Variants in ZNF407 observed in about 807,000 individuals in gnomAD.
The protein encoded by ZNF407 is zinc finger protein 407.
A neutral mutation model predicts 131.2 loss-of-function variants in ZNF407; 17 were observed. The ratio of observed to expected loss-of-function variants is 0.13; its 90% CI spans 0.09 to 0.19. The LOEUF (loss-of-function observed/expected upper bound fraction) is 0.19, where lower values mean the gene tolerates loss of function less well. Among genes scored for constraint, ZNF407 ranks in the 10% least tolerant of loss-of-function variants. ZNF407 has a pLI of 1.00. For synonymous variants in ZNF407, 1,156 were observed against 1,062.0 expected (o/e 1.09, Z -1.72); for missense variants, 2,681 against 2,830.6 (o/e 0.95, Z 1.20).
chr18:75,009,373 C>G (rs550195018), intron 8 of ZNF407, among the ~76,000 whole-genome samples: 57 of 152,210 alleles, frequency 3.7e-4, no homozygotes, highest in Non-Finnish European at 5.4e-4. Context: ...AAAGGTAGCC[C>G]TTATATTTTA....
At chr18:74,839,437 A>C (rs765622411) in intron 4 of ZNF407, among the ~76,000 whole-genome samples, 2 of 152,238 alleles carry the variant, frequency 1.3e-5, no homozygotes, top group East Asian at 1.9e-4. Flanking sequence ...TGCAGTTTAC[A>C]TGCAGAATTT....
chr18:74,755,767 T>TTCTTTCTTTCTTTC (rs1968934545), intron 3 of ZNF407, among the ~76,000 whole-genome samples: 1 of 129,032 alleles, frequency 7.8e-6, no homozygotes, highest in African/African-American at 3.5e-5. Context: ...CTTTCTTTCT[T>TTCTTTCTTTCTTTC]TCTTTCTCTC....
chr18:74,877,083 T>C, intron 4 of ZNF407, 114 bp from the exon 5 acceptor site: 1 of 855,120 alleles, frequency 1.2e-6, no homozygotes, highest in Non-Finnish European at 1.9e-6. Context: ...CCTGCAGTGC[T>C]CCTCGCAGAG....
chr18:74,814,609 G>A (rs914962804), intron 4 of ZNF407, among the ~76,000 whole-genome samples: 8 of 152,168 alleles, frequency 5.3e-5, no homozygotes, highest in Non-Finnish European at 7.3e-5. Flanking sequence ...TGCCCTGACT[G>A]CATTGTGGAT....
chr18:74,601,856 G>A (rs1171843408), intron 1 of ZNF407, among the ~76,000 whole-genome samples: 1 of 152,194 alleles, frequency 6.6e-6, no homozygotes, highest in African/African-American at 2.4e-5. Context: ...AAACTGTTTC[G>A]AGGGGAATCA....
rs140656590 is a variant in ZNF407 at position 75,044,998 on chromosome 18, C to T, written c.5429-18152C>T. On this transcript the variant is annotated intron_variant, in intron 8 of 8. Coordinates refer to ENST00000299687, the MANE Select transcript of ZNF407 (RefSeq NM_017757.3). ...ATTGTAAAGAAAAAGAGTGCATTGT[C>T]AGCAATATGTTTCTGAATAAGGAAT... Among the ~76,000 whole-genome samples, 58 of 145,606 alleles carry T rather than the reference C, an allele frequency of 4.0e-4. No homozygotes were observed. In the East Asian group the frequency reaches 9.6e-3, roughly 24 times the overall value.
intron 6 of ZNF407, among the ~76,000 whole-genome samples, chr18:74,881,337 T>A (rs563539556): frequency 6.6e-6 from 1 of 152,350 alleles, no homozygotes; most frequent in Admixed American, 6.5e-5. Context: ...AAGAAGCAGG[T>A]ACCCTCAGTA....
chr18:75,018,492 G>T (rs1408719688), intron 8 of ZNF407, among the ~76,000 whole-genome samples: 1 of 151,760 alleles, frequency 6.6e-6, no homozygotes, highest in African/African-American at 2.4e-5. Context: ...GGGAGTAAAA[G>T]TAAATTGAAT....
At chr18:74,847,390 C>T (rs1970717026) in intron 4 of ZNF407, among the ~76,000 whole-genome samples, 2 of 152,110 alleles carry the variant, frequency 1.3e-5, no homozygotes, top group African/African-American at 4.8e-5. Context: ...TCTATCTTTC[C>T]TCTAAGACCT....
intron 3 of ZNF407, among the ~76,000 whole-genome samples, chr18:74,663,163 G>C (rs939524276): frequency 6.6e-6 from 1 of 152,076 alleles, no homozygotes; most frequent in Non-Finnish European, 1.5e-5. Flanking sequence ...TTTTACTTAA[G>C]TTACAATGAA....
chr18:74,694,979 A>G (rs1967317450), intron 3 of ZNF407, among the ~76,000 whole-genome samples: 3 of 152,214 alleles, frequency 2.0e-5, no homozygotes, highest in Non-Finnish European at 2.9e-5. Flanking sequence ...TTCTCACTTT[A>G]GAGGGGATAA....
chr18:74,773,769 C>T (rs888608668), intron 3 of ZNF407, among the ~76,000 whole-genome samples: 3 of 152,178 alleles, frequency 2.0e-5, no homozygotes, highest in Admixed American at 6.5e-5. Context: ...TTGAAATCCT[C>T]TGTGTATATT....
In ZNF407 at chr18:74,751,056, T is replaced by C. The variant is rs1433457509; in HGVS notation, c.4803-30372T>C. 2.0e-5 allele frequency among the ~76,000 whole-genome samples: 3 copies of C among 152,246 alleles called. No individual in the cohort carries two copies. In the East Asian group the frequency reaches 5.8e-4, roughly 29 times the overall value. ...TGTCTTTTTATTGAGTTTTCTGAAA[T>C]TTTTATTCTGGATATTGTCTTTTTA... On this transcript the variant is annotated intron_variant, in intron 3 of 8. Transcript: ENST00000299687.
At chr18:74,773,139 G>A (rs1433875778) in intron 3 of ZNF407, among the ~76,000 whole-genome samples, 2 of 152,016 alleles carry the variant, frequency 1.3e-5, no homozygotes, top group Non-Finnish European at 2.9e-5. Flanking sequence ...TTGAAGCCCA[G>A]GAAATAAATT....
chr18:75,058,685 C>T (rs1008540117), intron 8 of ZNF407, among the ~76,000 whole-genome samples: 17 of 152,186 alleles, frequency 1.1e-4, no homozygotes, highest in Non-Finnish European at 1.6e-4. Context: ...GTTTCCCAAA[C>T]GCTGTATCCA....
intron 3 of ZNF407, among the ~76,000 whole-genome samples, chr18:74,684,345 TA>T (rs1470863050): frequency 3.9e-5 from 6 of 152,232 alleles, no homozygotes; most frequent in Non-Finnish European, 7.3e-5. Context: ...TTTAAAAATT[TA>T]ATTTCTTAGA....
chr18:74,813,394 T>C (rs1033163278), intron 4 of ZNF407, among the ~76,000 whole-genome samples: 5 of 152,110 alleles, frequency 3.3e-5, no homozygotes, highest in Non-Finnish European at 2.9e-5. Context: ...CACTGTCAGG[T>C]CCATTCGCTC....
chr18:74,852,614 ATGATT>A (rs2145148600), intron 4 of ZNF407, among the ~76,000 whole-genome samples: 1 of 152,334 alleles, frequency 6.6e-6, no homozygotes, highest in African/African-American at 2.4e-5. Context: ...CACATTAAAC[ATGATT>A]TCATTTCTTC....
chr18:74,643,486 G>T (rs9319654), intron 3 of ZNF407, among the ~76,000 whole-genome samples: 73,107 of 151,716 alleles, frequency 0.48, 19,100 homozygotes, highest in African/African-American at 0.69. Flanking sequence ...TTCTTAATGA[G>T]CTCTTCATTA....
Sources: gnomAD v4.1 joint callset for allele counts (sites outside exome capture counted in the v4.1 genomes callset) on GRCh38, gnomAD v4.1.1 for gene constraint, MANE v1.5 for transcripts, NCBI Gene and HGNC (gene_info 2026-07-23, HGNC 2026-07-21) for gene names.